The following FBXO8 variants were observed in gnomAD, a reference collection of about 807,000 sequenced individuals.
FBXO8 encodes the protein F-box protein 8, also known as F-box only protein 8.
In FBXO8, 15 loss-of-function variants were observed where a neutral mutation model predicts 33.4. The observed-to-expected ratio is 0.45, with a 90% CI of 0.30 to 0.69. The LOEUF (loss-of-function observed/expected upper bound fraction) is 0.69. Ranked by LOEUF, FBXO8 falls within the 30% of genes least tolerant of loss-of-function variation. The pLI is 0.08. For synonymous variants in FBXO8, 132 were observed against 131.5 expected, an observed-to-expected ratio of 1.00 and a Z score of -0.02; for missense variants, 274 against 380.3, an observed-to-expected ratio of 0.72 and a Z score of 2.32.
rs1234245167 is a variant in FBXO8 at position 174,237,399 on chromosome 4, G to GC, written c.*12dup. On this transcript the variant is annotated 3_prime_UTR_variant, in exon 6 of 6. Transcript: ENST00000393674. The surrounding 1 kb of genome is among the most constrained non-coding windows in gnomAD (Gnocchi z 4.4). ...GTCTGAAGTAAAAACTGAAGTCCTA[G>GC]CAATTGTGCTTTTTATGCAGCCACA... 8 of 1,605,256 alleles carry GC rather than the reference G, an allele frequency of 5.0e-6. No individual in the cohort carries two copies. The highest frequency in any genetic ancestry group is 5.1e-6 in the Non-Finnish European group (6 of 1,174,352).
At chr4:174,240,655 T>G (rs1263964010) in intron 4 of FBXO8, among the ~76,000 whole-genome samples, 1 of 151,734 alleles carries the variant, frequency 6.6e-6, no homozygotes. Context: ...TTCTATATAG[T>G]GTCTACATGC....
rs980277242 is a variant in FBXO8 at position 174,263,682 on chromosome 4, C to T, written c.-8-582G>A. 6.6e-6 allele frequency among the ~76,000 whole-genome samples: 1 copy of T among 152,098 alleles called. No individual in the cohort carries two copies. Among genetic ancestry groups the T allele is most frequent in the African/African-American group, 2.4e-5 (1 of 41,418 alleles). ...ATTCAGAAACCTTGTAAATTAGACACCTAGAACTCCATGATAAATAGCTCG... is the reference window on the plus strand; with the variant it reads ...ATTCAGAAACCTTGTAAATTAGACATCTAGAACTCCATGATAAATAGCTCG... On this transcript the variant is annotated intron_variant, in intron 1 of 5. Transcript: ENST00000393674. The surrounding 1 kb of genome is among the most constrained non-coding windows in gnomAD (Gnocchi z 4.2).
rs1161598962 is a variant in FBXO8, at chr4:174,259,544, G to A, written c.456+155C>T. ...TGGTAAGGCGAAGAAAAATGACTAT[G>A]TCACATAGCAATAGTTTAAAATATT... On this transcript the variant is annotated intron_variant, in intron 3 of 5. Transcript: ENST00000393674. This position sits in a 1 kb window ranked among gnomAD's most constrained non-coding sequence, Gnocchi z 4.3. Among the ~76,000 whole-genome samples, 1 of 152,018 alleles carries A rather than the reference G, an allele frequency of 6.6e-6. No homozygotes were observed.
intron 1 of FBXO8, among the ~76,000 whole-genome samples, chr4:174,264,300 T>A (rs1736637705): frequency 6.6e-6 from 1 of 152,084 alleles, no homozygotes; most frequent in African/African-American, 2.4e-5. Context: ...TATCTTTTAA[T>A]CAGAAATAAT....
chr4:174,248,013 G>T (rs1340233554), intron 3 of FBXO8, among the ~76,000 whole-genome samples: 2 of 152,004 alleles, frequency 1.3e-5, no homozygotes, highest in East Asian at 1.9e-4. Flanking sequence ...TTTATCTGAG[G>T]ATATTTATTA....
At chr4:174,243,185 T>C (rs1392900422) in intron 3 of FBXO8, among the ~76,000 whole-genome samples, 1 of 151,454 alleles carries the variant, frequency 6.6e-6, no homozygotes, top group Non-Finnish European at 1.5e-5. Context: ...AAAAAACACA[T>C]TTTGAGAATT....
intron 1 of FBXO8, among the ~76,000 whole-genome samples, chr4:174,266,071 A>G (rs1389381773): frequency 6.6e-6 from 1 of 152,170 alleles, no homozygotes; most frequent in Non-Finnish European, 1.5e-5. Context: ...TTCTAGTGGC[A>G]TATGGTTAAG....
In FBXO8 at chr4:174,245,598, C is replaced by A. The variant is rs146820017; in HGVS notation, c.457-4380G>T. On this transcript the variant is annotated intron_variant, in intron 3 of 5. Coordinates refer to ENST00000393674, the MANE Select transcript of FBXO8 (RefSeq NM_012180.3). This position sits in a 1 kb window ranked among gnomAD's most constrained non-coding sequence, Gnocchi z 4.6. ...AAGAAGTTTATTCTCTATCCTAAAT[C>A]TAACTGGAAGCCTCTGAAGGCTTTT... Among the ~76,000 whole-genome samples the A allele has an allele frequency of 1.8e-3, 272 of 151,932 alleles. 2 individuals carry two copies. Among genetic ancestry groups the A allele is most frequent in the Admixed American group, 3.3e-3 (50 of 15,210 alleles).
At position 174,268,527 on chromosome 4, in the gene FBXO8, C is replaced by T. The variant is rs1018281888; in HGVS notation, c.-8-5427G>A. On this transcript the variant is annotated intron_variant, in intron 1 of 5. Coordinates refer to ENST00000393674, the MANE Select transcript of FBXO8 (RefSeq NM_012180.3). The stretch of plus-strand genomic sequence containing the variant: ...GGCTCACTGCAAGTTCCGCCTCCCT[C>T]CCAGTTTCTCGCCATTCTCCTGACT... 1.3e-5 allele frequency among the ~76,000 whole-genome samples: 2 copies of T among 152,126 alleles called. 1 individual carries two copies. Among genetic ancestry groups the T allele is most frequent in the South Asian group, 4.2e-4 (2 of 4,818 alleles).
chr4:174,271,860 T>C (rs917490435), intron 1 of FBXO8, among the ~76,000 whole-genome samples: 2 of 152,206 alleles, frequency 1.3e-5, no homozygotes, highest in Admixed American at 1.3e-4. Context: ...AATCTTAATT[T>C]AAATAGATAT....
rs554217308 is a variant in FBXO8, at chr4:174,270,726, C to T, written c.-8-7626G>A. Among the ~76,000 whole-genome samples, 1 of 151,930 alleles carries T rather than the reference C, an allele frequency of 6.6e-6. No individual in the cohort carries two copies. The highest frequency in any genetic ancestry group is 2.1e-4 in the South Asian group (1 of 4,808). ...CCACCTCCCAGGTTCAAGTGATTCT[C>T]CTGTCTCAGCCTCCCGAGTGCTGGG... On this transcript the variant is annotated intron_variant, in intron 1 of 5. Coordinates refer to ENST00000393674, the MANE Select transcript of FBXO8 (RefSeq NM_012180.3). This position sits in a 1 kb window ranked among gnomAD's most constrained non-coding sequence, Gnocchi z 4.6.
Position 174,267,820 on chromosome 4 carries a change from T to A in FBXO8, c.-8-4720A>T, listed in dbSNP as rs572523537. Among the ~76,000 whole-genome samples the A allele has an allele frequency of 6.6e-6, 1 of 152,194 alleles. No individual in the cohort carries two copies. The highest frequency in any genetic ancestry group is 1.5e-5 in the Non-Finnish European group (1 of 68,032). Reference sequence around the variant, plus strand: ...ACTGTCCTGTCACTTGCAGCAATTGTTAGGTAAAATAAAATTCAGCTGCAA... The same window carrying A: ...ACTGTCCTGTCACTTGCAGCAATTGATAGGTAAAATAAAATTCAGCTGCAA... On this transcript the variant is annotated intron_variant, in intron 1 of 5. Coordinates refer to ENST00000393674, the MANE Select transcript of FBXO8 (RefSeq NM_012180.3). This position sits in a 1 kb window ranked among gnomAD's most constrained non-coding sequence, Gnocchi z 4.7.
intron 1 of FBXO8, among the ~76,000 whole-genome samples, chr4:174,268,524 C>T (rs1368296366): frequency 6.6e-6 from 1 of 152,114 alleles, no homozygotes; most frequent in Admixed American, 6.5e-5. Context: ...GTTCCGCCTC[C>T]CTCCCAGTTT....
chr4:174,259,705 T>G lies in FBXO8; in HGVS notation c.450A>C (p.Pro150=). The change falls in exon 3 of 6, where the codon CCA becomes CCC. Residue 150 remains proline (P), a synonymous_variant. Transcript: ENST00000393674. This position sits in a 1 kb window ranked among gnomAD's most constrained non-coding sequence, Gnocchi z 4.3. ...ATTCAAGTTCTTCACTAACCTCATCTGGGTTGGCATTAAAGGTGAGGCTGC... is the reference window on the plus strand; with the variant it reads ...ATTCAAGTTCTTCACTAACCTCATCGGGGTTGGCATTAAAGGTGAGGCTGC... ...DEGSLTFNAN[P]DEGVNYFMSK... is the part of the protein sequence containing the mutation. 1 of 1,609,322 alleles carries G rather than the reference T, an allele frequency of 6.2e-7. No homozygotes were observed. The highest frequency in any genetic ancestry group is 1.1e-5 in the South Asian group (1 of 90,154).
chr4:174,238,940 T>C (rs1560863985), intron 5 of FBXO8, 54 bp downstream of exon 5: 23 of 1,137,490 alleles, frequency 2.0e-5, no homozygotes, highest in East Asian at 2.8e-5. Flanking sequence ...TATATCTCTG[T>C]TTTTACCTAA....
At position 174,276,551 on chromosome 4, in the gene FBXO8, T is replaced by TA. The variant is rs961431342; in HGVS notation, c.-9+6858dup. Among the ~76,000 whole-genome samples the TA allele has an allele frequency of 7.9e-5, 12 of 152,244 alleles. No individual in the cohort carries two copies. In the South Asian group the frequency reaches 2.1e-3, roughly 26 times the overall value. ...GTGACTGCCTGACAGAGCCAATTTTTAAAAAAAATTTAAATATATTTAGAT... is the reference window on the plus strand; with the variant it reads ...GTGACTGCCTGACAGAGCCAATTTTTAAAAAAAAATTTAAATATATTTAGAT... On this transcript the variant is annotated intron_variant, in intron 1 of 5. Transcript: ENST00000393674.
rs1737007763 is a variant in FBXO8 at position 174,278,669 on chromosome 4, A to T, written c.-9+4741T>A. On this transcript the variant is annotated intron_variant, in intron 1 of 5. Transcript: ENST00000393674. This position sits in a 1 kb window ranked among gnomAD's most constrained non-coding sequence, Gnocchi z 4.1. ...AGCTGTAGTCATGGTAGCATATCCT[A>T]ACCCACCTTCTCAGTATACACATAC... Among the ~76,000 whole-genome samples the T allele has an allele frequency of 1.3e-5, 2 of 152,104 alleles. No individual in the cohort carries two copies. Among genetic ancestry groups the T allele is most frequent in the African/African-American group, 4.8e-5 (2 of 41,446 alleles).
rs1325904429 is a variant in FBXO8 at position 174,265,269 on chromosome 4, AAAAGCTTTTTATTTAGGTATTTACCTAAT to A, written c.-8-2198_-8-2170del. ...TTTTTATTTAGGTATTTACCTAATT[AAAAGCTTTTTATTTAGGTATTTACCTAAT>A]TAAAAGCTTTTTATTTAGGTATTTA... On this transcript the variant is annotated intron_variant, in intron 1 of 5. Transcript: ENST00000393674. The surrounding 1 kb of genome is among the most constrained non-coding windows in gnomAD (Gnocchi z 4.7). Among the ~76,000 whole-genome samples, 3 of 139,598 alleles carry A rather than the reference AAAAGCTTTTTATTTAGGTATTTACCTAAT, an allele frequency of 2.1e-5. No individual in the cohort carries two copies. Among genetic ancestry groups the A allele is most frequent in the African/African-American group, 5.3e-5 (2 of 37,714 alleles). 91.6% of individuals were successfully genotyped at this position (139,598 alleles called of 152,430 possible). A position where few individuals can be genotyped will look rare whatever the true frequency, so the allele number is the denominator to read the frequency against.
intron 1 of FBXO8, among the ~76,000 whole-genome samples, chr4:174,264,875 G>A (rs939351736): frequency 2.7e-5 from 4 of 150,004 alleles, no homozygotes; most frequent in Admixed American, 6.6e-5. Context: ...ACACATATAT[G>A]ATAAAAAGAC....
Sources: gnomAD v4.1 joint callset for allele counts (sites outside exome capture counted in the v4.1 genomes callset) on GRCh38, gnomAD v4.1.1 for gene constraint, Gnocchi (gnomAD v3.1) non-coding constraint, MANE v1.5 for transcripts, NCBI Gene and HGNC (gene_info 2026-07-23, HGNC 2026-07-21) for gene names.